Variants in CYP7B1 observed in about 807,000 individuals in gnomAD.
CYP7B1 encodes cytochrome P450 family 7 subfamily B member 1.
Under a neutral mutation model 42.7 loss-of-function variants are expected in CYP7B1, and 29 were observed. The observed-to-expected ratio is 0.68, with a 90% CI of 0.51 to 0.93. CYP7B1 has a LOEUF of 0.93. Ranked by LOEUF, CYP7B1 falls within the 40% of genes least tolerant of loss-of-function variation. CYP7B1 has a pLI of 0.00. For synonymous variants in CYP7B1, 235 were observed against 218.2 expected (o/e 1.08, Z -0.68); for missense variants, 655 against 600.5 (o/e 1.09, Z -0.95).
downstream of CYP7B1, chr8:64,587,940 G>A (rs1009397889): frequency 3.3e-5 from 5 of 152,206 alleles, no homozygotes; most frequent in African/African-American, 1.2e-4. Flanking sequence ...TGGATGGGGA[G>A]TTGGCTTTAA....
chr8:64,653,038 C>A (rs1247901146), intron 1 of CYP7B1, among the ~76,000 whole-genome samples: 1 of 152,028 alleles, frequency 6.6e-6, no homozygotes, highest in Non-Finnish European at 1.5e-5. Context: ...ATATCCACAT[C>A]CAAAAGTTAC....
intron 1 of CYP7B1, among the ~76,000 whole-genome samples, chr8:64,645,641 A>C (rs13252642): frequency 0.11 from 16,258 of 152,178 alleles, 1,147 homozygotes; most frequent in Non-Finnish European, 0.16. Context: ...TTTATAGATT[A>C]AATGCCATCC....
intron 1 of CYP7B1, among the ~76,000 whole-genome samples, chr8:64,766,895 G>A (rs6988006): frequency 2.6e-3 from 393 of 152,176 alleles, no homozygotes; most frequent in African/African-American, 8.8e-3. Context: ...CTGGACACTG[G>A]TACAGCCTTC....
intron 1 of CYP7B1, among the ~76,000 whole-genome samples, chr8:64,795,000 C>T (rs146330040): frequency 1.1e-4 from 16 of 151,842 alleles, no homozygotes; most frequent in African/African-American, 2.7e-4. Flanking sequence ...GTATTACTGG[C>T]GGAAGTGTTC....
At chr8:64,639,660 C>T (rs1029647734) in intron 1 of CYP7B1, among the ~76,000 whole-genome samples, 3 of 151,858 alleles carry the variant, frequency 2.0e-5, no homozygotes, top group East Asian at 1.9e-4. Flanking sequence ...ACAGGGCTGG[C>T]GGGAATATAA....
chr8:64,798,440 C>A (rs913049455), intron 1 of CYP7B1, 26 bp downstream of exon 1: 21 of 1,505,322 alleles, frequency 1.4e-5, no homozygotes, highest in Non-Finnish European at 1.6e-5. Flanking sequence ...AGGGCGCATG[C>A]GTGGCCTGGC....
chr8:64,786,091 G>C (rs1804522065), intron 1 of CYP7B1, among the ~76,000 whole-genome samples: 1 of 152,078 alleles, frequency 6.6e-6, no homozygotes, highest in African/African-American at 2.4e-5. Context: ...CCACCACATG[G>C]GGGGATTATG....
At chr8:64,608,608 G>A (rs1450242477) in intron 4 of CYP7B1, among the ~76,000 whole-genome samples, 1 of 151,864 alleles carries the variant, frequency 6.6e-6, no homozygotes, top group East Asian at 1.9e-4. Flanking sequence ...GGTTATAAAA[G>A]GGGGAGAGGG....
chr8:64,669,426 T>C lies in CYP7B1; in HGVS notation c.123-44887A>G, dbSNP rs548061949. On this transcript the variant is annotated intron_variant, in intron 1 of 5. Transcript: ENST00000310193. ...AAAAGGTTTCATACCAAACTACCAA[T>C]AGAGCTTGGGGCAGGGGCAGGGGCA... Among the ~76,000 whole-genome samples, 5 of 152,108 alleles carry C rather than the reference T, an allele frequency of 3.3e-5. No homozygotes were observed. In the South Asian group the frequency reaches 8.3e-4, roughly 25 times the overall value.
Position 64,755,402 on chromosome 8 carries a change from C to G in CYP7B1, c.122+43064G>C, listed in dbSNP as rs575828524. Reference sequence around the variant, plus strand: ...TCTTTTCCTGTTAACCAGAGTCCGGCAATTTATTTTTATTTTTTATTTATT... The same window carrying G: ...TCTTTTCCTGTTAACCAGAGTCCGGGAATTTATTTTTATTTTTTATTTATT... On this transcript the variant is annotated intron_variant, in intron 1 of 5. Transcript: ENST00000310193. Among the ~76,000 whole-genome samples the G allele has an allele frequency of 6.6e-5, 10 of 152,184 alleles. No individual in the cohort carries two copies. In the East Asian group the frequency reaches 1.9e-3, roughly 29 times the overall value.
intron 1 of CYP7B1, among the ~76,000 whole-genome samples, chr8:64,721,329 T>C (rs1807232518): frequency 6.6e-6 from 1 of 152,130 alleles, no homozygotes; most frequent in South Asian, 2.1e-4. Context: ...CTGGCTTTGC[T>C]CAAACAGGAT....
chr8:64,603,705 A>T (rs1210242368), intron 5 of CYP7B1, among the ~76,000 whole-genome samples: 1 of 152,154 alleles, frequency 6.6e-6, no homozygotes, highest in African/African-American at 2.4e-5. Context: ...AACACACAGA[A>T]ACTATATGTA....
At chr8:64,723,754 C>A (rs181110513) in intron 1 of CYP7B1, among the ~76,000 whole-genome samples, 11 of 151,936 alleles carry the variant, frequency 7.2e-5, no homozygotes, top group Non-Finnish European at 1.2e-4. Context: ...AGTGTAAAAT[C>A]ATATATAATC....
At chr8:64,610,807 C>T (rs193136465) in intron 4 of CYP7B1, among the ~76,000 whole-genome samples, 112 of 152,154 alleles carry the variant, frequency 7.4e-4, no homozygotes, top group African/African-American at 2.5e-3. Context: ...TTGTCTGAGG[C>T]GACAGTCATT....
chr8:64,782,739 G>T (rs1398131487), intron 1 of CYP7B1, among the ~76,000 whole-genome samples: 1 of 152,148 alleles, frequency 6.6e-6, no homozygotes, highest in Non-Finnish European at 1.5e-5. Context: ...TTACAGAATT[G>T]AGCAATCTCC....
intron 1 of CYP7B1, among the ~76,000 whole-genome samples, chr8:64,736,129 C>CTAT (rs1168256440): frequency 2.0e-5 from 3 of 152,116 alleles, no homozygotes. Context: ...GTTTACATCC[C>CTAT]TATTATGGAA....
chr8:64,746,345 T>G (rs1807642608), intron 1 of CYP7B1, among the ~76,000 whole-genome samples: 2 of 152,188 alleles, frequency 1.3e-5, no homozygotes, highest in African/African-American at 4.8e-5. Context: ...TTCTCCTGGT[T>G]TTGTTTTACC....
intron 1 of CYP7B1, among the ~76,000 whole-genome samples, chr8:64,706,495 A>G (rs1263579523): frequency 1.3e-5 from 2 of 152,026 alleles, no homozygotes; most frequent in East Asian, 3.9e-4. Flanking sequence ...AATACCTGTT[A>G]AAAGCTTCAC....
intron 1 of CYP7B1, among the ~76,000 whole-genome samples, chr8:64,710,775 CATATAA>C (rs751941414): frequency 5.4e-4 from 81 of 149,814 alleles, no homozygotes; most frequent in Non-Finnish European, 1.1e-3. Flanking sequence ...ATAAAAAGTA[CATATAA>C]ATATATTTTA....
Sources: allele counts gnomAD v4.1 joint callset (sites outside exome capture counted in the v4.1 genomes callset), GRCh38; gene constraint gnomAD v4.1.1; transcripts MANE v1.5; gene names NCBI Gene and HGNC (gene_info 2026-07-23, HGNC 2026-07-21).